The following NRXN3 variants were observed in gnomAD, a reference collection of about 807,000 sequenced individuals.
NRXN3 encodes neurexin III.
A neutral mutation model predicts 137.6 loss-of-function variants in NRXN3; 32 were observed. That is an observed-to-expected ratio of 0.23 (90% CI 0.18 to 0.31). The LOEUF is 0.31. NRXN3 is among the 10% of genes least tolerant of loss of function. The probability of loss-of-function intolerance (pLI) is 1.00; values close to 1 mark genes in which losing one functional copy is unlikely to be tolerated. For missense variants in NRXN3, 1,574 were observed against 2,062.5 expected (o/e 0.76, Z 4.59); for synonymous variants, 798 against 784.5 (o/e 1.02, Z -0.29).
rs144708611 is a variant in NRXN3, at chr14:78,861,578, C to T, written c.2275+51234C>T. On this transcript the variant is annotated intron_variant, in intron 10 of 20. Coordinates refer to ENST00000335750, the MANE Select transcript of NRXN3 (RefSeq NM_001330195.2). The stretch of plus-strand genomic sequence containing the variant: ...TTAACTATCAGTGTATTTCTAAGAA[C>T]CCTGTCATATGCACCCTTCTTATTT... Among the ~76,000 whole-genome samples the T allele has an allele frequency of 1.6e-4, 25 of 152,210 alleles. No individual in the cohort carries two copies. In the East Asian group the frequency reaches 4.4e-3, roughly 27 times the overall value.
chr14:79,842,100 T>C (rs2099357020), intron 20 of NRXN3, among the ~76,000 whole-genome samples: 1 of 152,246 alleles, frequency 6.6e-6, no homozygotes, highest in Non-Finnish European at 1.5e-5. Context: ...GCATCCTTTC[T>C]TCTTTCAGCA....
intron 16 of NRXN3, among the ~76,000 whole-genome samples, chr14:79,488,366 A>T (rs1382491958): frequency 6.6e-6 from 1 of 152,220 alleles, no homozygotes; most frequent in Non-Finnish European, 1.5e-5. Context: ...TACTTATCAC[A>T]AGAGATTGCA....
chr14:79,825,485 C>T (rs2099294134), intron 20 of NRXN3, among the ~76,000 whole-genome samples: 1 of 152,160 alleles, frequency 6.6e-6, no homozygotes, highest in African/African-American at 2.4e-5. Flanking sequence ...TGTTTTAAAA[C>T]GATGCACAAA....
At chr14:78,944,318 C>T (rs1199531021) in intron 10 of NRXN3, among the ~76,000 whole-genome samples, 1 of 152,114 alleles carries the variant, frequency 6.6e-6, no homozygotes. Context: ...ATGGGAAATT[C>T]CTTCCCCTAG....
chr14:78,209,320 C>T (rs773716232), intron 1 of NRXN3, among the ~76,000 whole-genome samples: 13 of 152,078 alleles, frequency 8.5e-5, no homozygotes, highest in South Asian at 2.1e-4. Flanking sequence ...TGGAGGATTG[C>T]GGAGCAGGGC....
chr14:78,255,456 A>C (rs2153467565), intron 2 of NRXN3, among the ~76,000 whole-genome samples: 1 of 152,298 alleles, frequency 6.6e-6, no homozygotes, highest in Non-Finnish European at 1.5e-5. Context: ...CCTGATGTTG[A>C]GTTTTCAGCC....
chr14:79,566,378 C>G (rs895730991), intron 16 of NRXN3, among the ~76,000 whole-genome samples: 1 of 152,042 alleles, frequency 6.6e-6, no homozygotes, highest in Non-Finnish European at 1.5e-5. Context: ...TCCCTCCTCA[C>G]CTCTCTCCTT....
At chr14:79,703,249 C>G (rs1271878457) in intron 19 of NRXN3, among the ~76,000 whole-genome samples, 1 of 152,114 alleles carries the variant, frequency 6.6e-6, no homozygotes, top group Non-Finnish European at 1.5e-5. Flanking sequence ...TGTAAAAATT[C>G]TTATAGGCAA....
At chr14:79,769,505 C>T (rs376562857) in intron 19 of NRXN3, among the ~76,000 whole-genome samples, 1 of 152,086 alleles carries the variant, frequency 6.6e-6, no homozygotes, top group Admixed American at 6.6e-5. Flanking sequence ...AACCCAGAAT[C>T]TCATATCCAG....
intron 15 of NRXN3, among the ~76,000 whole-genome samples, chr14:79,137,306 A>T (rs2058342078): frequency 6.6e-6 from 1 of 152,230 alleles, no homozygotes; most frequent in African/African-American, 2.4e-5. Flanking sequence ...TTTGCTTGTC[A>T]TCAGAGTAAC....
At chr14:78,470,026 G>T (rs1362079094) in intron 4 of NRXN3, among the ~76,000 whole-genome samples, 1 of 152,124 alleles carries the variant, frequency 6.6e-6, no homozygotes, top group Non-Finnish European at 1.5e-5. Context: ...GAATATCTGG[G>T]TTTTTTTCCA....
intron 7 of NRXN3, among the ~76,000 whole-genome samples, chr14:78,711,430 T>TTC (rs1365664616): frequency 1.6e-5 from 2 of 122,700 alleles, no homozygotes; most frequent in African/African-American, 5.8e-5. Context: ...GCTAATTCTT[T>TTC]TCTCTTTTTT....
At chr14:78,202,014 A>G (rs1566959183) in intron 1 of NRXN3, among the ~76,000 whole-genome samples, 2 of 152,222 alleles carry the variant, frequency 1.3e-5, no homozygotes, top group Admixed American at 6.5e-5. Context: ...GCTTCAACCA[A>G]GGGAAGAATG....
chr14:78,469,221 A>T (rs1284633418), intron 4 of NRXN3, among the ~76,000 whole-genome samples: 1 of 152,160 alleles, frequency 6.6e-6, no homozygotes, highest in African/African-American at 2.4e-5. Context: ...ATGGCAAAAT[A>T]GGAATCATTA....
intron 15 of NRXN3, among the ~76,000 whole-genome samples, chr14:78,994,598 A>G (rs545374816): frequency 1.2e-4 from 18 of 152,286 alleles, no homozygotes; most frequent in African/African-American, 3.9e-4. Context: ...TAAAAGTTTG[A>G]TTTGTAATGT....
At chr14:78,879,940 G>A (rs1290800977) in intron 10 of NRXN3, among the ~76,000 whole-genome samples, 4 of 152,094 alleles carry the variant, frequency 2.6e-5, no homozygotes, top group Non-Finnish European at 5.9e-5. Flanking sequence ...TCAAATGGGG[G>A]TAATAATATA....
intron 4 of NRXN3, among the ~76,000 whole-genome samples, chr14:78,355,825 G>A (rs1470751538): frequency 6.6e-6 from 1 of 152,180 alleles, no homozygotes; most frequent in African/African-American, 2.4e-5. Context: ...ATACATGATT[G>A]GTTAGGAGAG....
chr14:79,419,028 T>C (rs951093553), intron 15 of NRXN3, among the ~76,000 whole-genome samples: 5 of 152,076 alleles, frequency 3.3e-5, no homozygotes, highest in African/African-American at 1.2e-4. Flanking sequence ...CGAACTCTAC[T>C]TTGTCTGTGG....
intron 20 of NRXN3, among the ~76,000 whole-genome samples, chr14:79,806,061 T>G (rs1038633859): frequency 3.3e-5 from 5 of 152,216 alleles, no homozygotes; most frequent in African/African-American, 1.2e-4. Flanking sequence ...TTTATATGTA[T>G]ATAATAGAGA....
Sources: gnomAD v4.1 joint callset for allele counts (sites outside exome capture counted in the v4.1 genomes callset) on GRCh38, gnomAD v4.1.1 for gene constraint, MANE v1.5 for transcripts, NCBI Gene and HGNC (gene_info 2026-07-23, HGNC 2026-07-21) for gene names.